DR1: variants seen among roughly 807,000 people sequenced by gnomAD.
DR1 encodes protein Dr1.
In DR1, 7 loss-of-function variants were observed where a neutral mutation model predicts 19.9. The observed-to-expected ratio is 0.35, with a 90% confidence interval of 0.20 to 0.66. The LOEUF (loss-of-function observed/expected upper bound fraction) is 0.66, where lower values mean the gene tolerates loss of function less well. Ranked by LOEUF, DR1 falls within the 30% of genes least tolerant of loss-of-function variation. The pLI is 0.66. For missense variants in DR1, 98 were observed against 203.7 expected (o/e 0.48, Z 3.16); for synonymous variants, 76 against 72.5 (o/e 1.05, Z -0.24).
At position 93,362,766 on chromosome 1, in the gene DR1, A is replaced by T. The variant is rs1667071386; in HGVS notation, c.*2127A>T. The T allele has an allele frequency of 6.7e-6, 1 of 148,644 alleles. No individual in the cohort carries two copies. Among genetic ancestry groups the T allele is most frequent in the Non-Finnish European group, 1.5e-5 (1 of 67,328 alleles). 9.2% of individuals were successfully genotyped at this position (148,644 alleles called of 1,614,324 possible). On this transcript the variant is annotated 3_prime_UTR_variant, in exon 3 of 3. Coordinates refer to ENST00000370272, the MANE Select transcript of DR1 (RefSeq NM_001938.3). The stretch of plus-strand genomic sequence containing the variant: ...TTTTACTTGTATTTTTATAATTTAC[A>T]GTCCTAAGATCGAGGCATAACAAAG...
chr1:93,353,145 T>C (rs1013185674), intron 1 of DR1, among the ~76,000 whole-genome samples: 1 of 152,134 alleles, frequency 6.6e-6, no homozygotes, highest in Non-Finnish European at 1.5e-5. Context: ...TCCTCCCACC[T>C]TGGCCTCCCA....
Position 93,360,646 on chromosome 1 carries a change from C to G in DR1, c.*7C>G. 3.8e-6 allele frequency: 6 copies of G among 1,578,306 alleles called. No homozygotes were observed. Among genetic ancestry groups the G allele is most frequent in the Non-Finnish European group, 3.4e-6 (4 of 1,168,142 alleles). ...AGATGATGATGATATCTGAAATTCA[C>G]CAGCTGAGTTTCTATTTCTTCTATA... On this transcript the variant is annotated 3_prime_UTR_variant, in exon 3 of 3. Transcript: ENST00000370272.
intron 1 of DR1, among the ~76,000 whole-genome samples, chr1:93,351,382 A>G (rs1033447332): frequency 4.5e-4 from 68 of 152,074 alleles, no homozygotes; most frequent in Admixed American, 1.7e-3. Flanking sequence ...ATTTAAAAAA[A>G]ATTCTTAATC....
rs1387535051 is a variant in DR1 at position 93,346,168 on chromosome 1, C to T, written c.-478C>T. 3 of 224,464 alleles carry T rather than the reference C, an allele frequency of 1.3e-5. No homozygotes were observed. The highest frequency in any genetic ancestry group is 4.8e-5 in the African/African-American group (2 of 41,688). 13.9% of individuals were successfully genotyped at this position (224,464 alleles called of 1,614,324 possible). A position where few individuals can be genotyped will look rare whatever the true frequency, so the allele number is the denominator to read the frequency against. ...CTGAAGGATGGTTTGGCCGAGGCGG[C>T]GGCAACGGCTGCTGGCGGCGGCGGC... On this transcript the variant is annotated 5_prime_UTR_variant, in exon 1 of 3. Coordinates refer to ENST00000370272, the MANE Select transcript of DR1 (RefSeq NM_001938.3).
intron 1 of DR1, among the ~76,000 whole-genome samples, chr1:93,352,647 G>A (rs1156816691): frequency 6.6e-6 from 1 of 152,196 alleles, no homozygotes; most frequent in Non-Finnish European, 1.5e-5. Flanking sequence ...TTAGAAGTGA[G>A]AGCATGTATA....
rs1667090645 is a variant in DR1, at chr1:93,364,067, C to T, written c.*3428C>T. 1 of 152,122 alleles carries T rather than the reference C, an allele frequency of 6.6e-6. No homozygotes were observed. 9.4% of individuals were successfully genotyped at this position (152,122 alleles called of 1,614,324 possible). On this transcript the variant is annotated 3_prime_UTR_variant, in exon 3 of 3. Coordinates refer to ENST00000370272, the MANE Select transcript of DR1 (RefSeq NM_001938.3). ...TATTTTCAGTTTTAGTATTTACTGT[C>T]AAACAGTTTTCCAAAGTGACTGTAA...
chr1:93,366,414 T>C lies in DR1; in HGVS notation c.*5775T>C, dbSNP rs534133362. 2 of 152,326 alleles carry C rather than the reference T, an allele frequency of 1.3e-5. No homozygotes were observed. Among genetic ancestry groups the C allele is most frequent in the East Asian group, 3.9e-4 (2 of 5,190 alleles). 9.4% of individuals were successfully genotyped at this position (152,326 alleles called of 1,614,324 possible). On this transcript the variant is annotated 3_prime_UTR_variant, in exon 3 of 3. Transcript: ENST00000370272. ...GGCTTGTTATTTTTGAGTGCACAGA[T>C]CTGTATATTCGCAATTGAAATAGGG...
chr1:93,354,186 A>G (rs1454136992), intron 2 of DR1, 115 bp downstream of exon 2: 2 of 1,056,414 alleles, frequency 1.9e-6, no homozygotes, highest in Non-Finnish European at 2.7e-6. Context: ...GTAGTTGATT[A>G]TAGATTCTGG....
At chr1:93,347,139 G>C (rs575416464) in intron 1 of DR1, among the ~76,000 whole-genome samples, 3 of 152,320 alleles carry the variant, frequency 2.0e-5, no homozygotes, top group East Asian at 3.9e-4. Flanking sequence ...TTTACAGCCA[G>C]GTAAGCCGAA....
At position 93,346,744 on chromosome 1, in the gene DR1, C is replaced by G; in HGVS notation, c.99C>G (p.Asn33Lys). 1 of 1,614,150 alleles carries G rather than the reference C, an allele frequency of 6.2e-7. No individual in the cohort carries two copies. Among genetic ancestry groups the G allele is most frequent in the Non-Finnish European group, 8.5e-7 (1 of 1,180,018 alleles). Residue 33 changes from asparagine (N) to lysine (K), a missense_variant, in exon 1 of 3, where the codon AAC (asparagine) becomes AAG (lysine). By Grantham distance (94) the Asn-to-Lys change is moderately conservative (BLOSUM62 0). Coordinates refer to ENST00000370272, the MANE Select transcript of DR1 (RefSeq NM_001938.3). The part of the protein sequence containing the change: ...KETLPNVRVA[N>K]DARELVVNCC... ...CTCTTCCTAATGTCCGGGTGGCCAACGATGCTCGAGAGCTGGTGGTGAACT... is the reference window on the plus strand; with the variant it reads ...CTCTTCCTAATGTCCGGGTGGCCAAGGATGCTCGAGAGCTGGTGGTGAACT...
At position 93,366,799 on chromosome 1, in the gene DR1, CGGAA is replaced by C. The variant is rs1667168221; in HGVS notation, c.*6161_*6164del. 6.6e-6 allele frequency: 1 copy of C among 152,118 alleles called. No homozygotes were observed. Among genetic ancestry groups the C allele is most frequent in the African/African-American group, 2.4e-5 (1 of 41,416 alleles). 9.4% of individuals were successfully genotyped at this position (152,118 alleles called of 1,614,324 possible). ...GGCAGATGGCTTGACCTCAGGAGTTCGGAACCAGCCTGGGTAATATGGTGAAACC... is the reference window on the plus strand; with the variant it reads ...GGCAGATGGCTTGACCTCAGGAGTTCCCAGCCTGGGTAATATGGTGAAACC... On this transcript the variant is annotated 3_prime_UTR_variant, in exon 3 of 3. Transcript: ENST00000370272.
rs577759802 is a variant in DR1, at chr1:93,366,478, A to G, written c.*5839A>G. The G allele has an allele frequency of 1.3e-5, 2 of 152,308 alleles. No homozygotes were observed. Among genetic ancestry groups the G allele is most frequent in the African/African-American group, 2.4e-5 (1 of 41,568 alleles). 9.4% of individuals were successfully genotyped at this position (152,308 alleles called of 1,614,324 possible). On this transcript the variant is annotated 3_prime_UTR_variant, in exon 3 of 3. Coordinates refer to ENST00000370272, the MANE Select transcript of DR1 (RefSeq NM_001938.3). Reference sequence around the variant, plus strand: ...TCATATAAAGATAATTTATAATACAATAAGTCCTCAATGTTGTTGATAGGT... The same window carrying G: ...TCATATAAAGATAATTTATAATACAGTAAGTCCTCAATGTTGTTGATAGGT...
rs1473440768 is a variant in DR1, at chr1:93,346,144, T to G, written c.-502T>G. Reference sequence around the variant, plus strand: ...GTTGTGAGGCGGCGGCGCGGGTGTCTGAAGGATGGTTTGGCCGAGGCGGCG... The same window carrying G: ...GTTGTGAGGCGGCGGCGCGGGTGTCGGAAGGATGGTTTGGCCGAGGCGGCG... On this transcript the variant is annotated 5_prime_UTR_variant, in exon 1 of 3. Coordinates refer to ENST00000370272, the MANE Select transcript of DR1 (RefSeq NM_001938.3). 1 of 227,096 alleles carries G rather than the reference T, an allele frequency of 4.4e-6. No homozygotes were observed. The highest frequency in any genetic ancestry group is 2.4e-5 in the African/African-American group (1 of 41,662). 14.1% of individuals were successfully genotyped at this position (227,096 alleles called of 1,614,324 possible).
At position 93,360,696 on chromosome 1, in the gene DR1, A is replaced by G; in HGVS notation, c.*57A>G. 1 of 1,545,766 alleles carries G rather than the reference A, an allele frequency of 6.5e-7. No homozygotes were observed. The highest frequency in any genetic ancestry group is 8.7e-7 in the Non-Finnish European group (1 of 1,153,616). ...AAATGTTTTTCCCTGCACAACAAAA[A>G]CAGTGAAAGAAATGCTTATCTGTAA... On this transcript the variant is annotated 3_prime_UTR_variant, in exon 3 of 3. Coordinates refer to ENST00000370272, the MANE Select transcript of DR1 (RefSeq NM_001938.3).
rs1264883713 is a variant in DR1 at position 93,360,869 on chromosome 1, A to G, written c.*230A>G. The G allele has an allele frequency of 9.2e-6, 4 of 435,196 alleles. No individual in the cohort carries two copies. Among genetic ancestry groups the G allele is most frequent in the African/African-American group, 2.1e-5 (1 of 47,952 alleles). 27.0% of individuals were successfully genotyped at this position (435,196 alleles called of 1,614,324 possible). On this transcript the variant is annotated 3_prime_UTR_variant, in exon 3 of 3. Coordinates refer to ENST00000370272, the MANE Select transcript of DR1 (RefSeq NM_001938.3). The stretch of plus-strand genomic sequence containing the variant: ...GTATAATATCAATTTTGAATTTTTA[A>G]TGGTGTTTATGAAATTTTAGATAGC...
rs1206435808 is a variant in DR1, at chr1:93,346,361, G to T, written c.-285G>T. ...GAGACACGAAGGTGGTTCCCCAGCC[G>T]CTCAAATTTCCGGACCACCGCGCTT... On this transcript the variant is annotated 5_prime_UTR_variant, in exon 1 of 3. Coordinates refer to ENST00000370272, the MANE Select transcript of DR1 (RefSeq NM_001938.3). 2.3e-6 allele frequency: 1 copy of T among 438,118 alleles called. No homozygotes were observed. The highest frequency in any genetic ancestry group is 2.0e-5 in the African/African-American group (1 of 50,102). 27.1% of individuals were successfully genotyped at this position (438,118 alleles called of 1,614,324 possible).
rs1553198475 is a variant in DR1, at chr1:93,361,048, G to GGGT, written c.*411_*412insTGG. ...TTGTGAATTTTAAATTATTAAGGGG[G>GGGT]GGGTGCTGTGTGAATCAGTAGACAT... is the stretch of plus-strand genomic sequence containing the variant. On this transcript the variant is annotated 3_prime_UTR_variant, in exon 3 of 3. Transcript: ENST00000370272. 2.4e-5 allele frequency: 4 copies of GGGT among 164,414 alleles called. No individual in the cohort carries two copies. The highest frequency in any genetic ancestry group is 2.6e-5 in the Non-Finnish European group (2 of 76,992). 10.2% of individuals were successfully genotyped at this position (164,414 alleles called of 1,614,324 possible).
rs1667098890 is a variant in DR1, at chr1:93,364,842, C to CTTTCTTTTTTTTT, written c.*4206_*4207insCTTTTTTTTTTTT. On this transcript the variant is annotated 3_prime_UTR_variant, in exon 3 of 3. Transcript: ENST00000370272. ...ATGTTTCCTTTTTCTTTTTTCTTTT[C>CTTTCTTTTTTTTT]TTTTCTTTCTTTTTTTTTTTTTTTT... is the stretch of plus-strand genomic sequence containing the variant. 3 of 79,760 alleles carry CTTTCTTTTTTTTT rather than the reference C, an allele frequency of 3.8e-5. No individual in the cohort carries two copies. The highest frequency in any genetic ancestry group is 1.3e-4 in the African/African-American group (3 of 23,748). The allele number at this position is 79,760 out of a possible 1,614,324, so 4.9% of individuals were successfully genotyped here.
chr1:93,350,809 A>G (rs555285957), intron 1 of DR1, among the ~76,000 whole-genome samples: 420 of 152,294 alleles, frequency 2.8e-3, no homozygotes, highest in Non-Finnish European at 5.3e-3. Flanking sequence ...TTTACTCACA[A>G]ATTTTTAAAA....
Sources: gnomAD v4.1 joint callset for allele counts (sites outside exome capture counted in the v4.1 genomes callset) on GRCh38, gnomAD v4.1.1 for gene constraint, MANE v1.5 for transcripts, NCBI Gene and HGNC (gene_info 2026-07-23, HGNC 2026-07-21) for gene names.